The following ARHGAP25 variants were observed in gnomAD, a reference collection of about 807,000 sequenced individuals.
The protein encoded by ARHGAP25 is rho GTPase-activating protein 25.
In ARHGAP25, 34 loss-of-function variants were observed where a neutral mutation model predicts 71.0. The observed-to-expected ratio is 0.48, with a 90% CI of 0.36 to 0.64. ARHGAP25 has a LOEUF of 0.64. ARHGAP25 is among the 30% of genes least tolerant of loss of function. The pLI is 0.00. For synonymous variants in ARHGAP25, 282 were observed against 296.5 expected, an observed-to-expected ratio of 0.95 and a Z score of 0.50; for missense variants, 706 against 805.1, an observed-to-expected ratio of 0.88 and a Z score of 1.49.
chr2:68,816,470 A>C (rs1055141205), intron 7 of ARHGAP25, 108 bp downstream of exon 7: 2 of 858,520 alleles, frequency 2.3e-6, no homozygotes, highest in East Asian at 5.0e-5. Context: ...CTGGTCTAGC[A>C]CTTTGGAAGA....
intron 1 of ARHGAP25, among the ~76,000 whole-genome samples, chr2:68,768,417 T>G (rs776979047): frequency 1.3e-5 from 2 of 152,232 alleles, no homozygotes; most frequent in African/African-American, 2.4e-5. Flanking sequence ...GCATGGTGGC[T>G]CACATTTCGT....
intron 1 of ARHGAP25, among the ~76,000 whole-genome samples, chr2:68,742,904 T>C (rs1421448171): frequency 1.3e-5 from 2 of 152,240 alleles, no homozygotes; most frequent in African/African-American, 4.8e-5. Flanking sequence ...CACTTCCTTC[T>C]CAATTTGCAT....
At chr2:68,719,891 T>C (rs4854447) in intron 2 of ARHGAP25, among the ~76,000 whole-genome samples, 40,456 of 152,120 alleles carry the variant, frequency 0.27, 5,863 homozygotes, top group East Asian at 0.47. Flanking sequence ...ACCTGACTCA[T>C]GCCACCATCA....
intron 2 of ARHGAP25, among the ~76,000 whole-genome samples, chr2:68,713,910 C>T (rs1674548960): frequency 1.3e-5 from 2 of 152,150 alleles, no homozygotes; most frequent in Non-Finnish European, 2.9e-5. Context: ...AGGATTTTTG[C>T]ATTGATGTTC....
intron 1 of ARHGAP25, among the ~76,000 whole-genome samples, chr2:68,768,433 A>G (rs944821076): frequency 1.3e-5 from 2 of 152,188 alleles, no homozygotes; most frequent in Non-Finnish European, 2.9e-5. Flanking sequence ...TTCGTTCTAA[A>G]ACATTTATTT....
intron 2 of ARHGAP25, among the ~76,000 whole-genome samples, chr2:68,711,650 C>T (rs190086082): frequency 6.6e-6 from 1 of 152,064 alleles, no homozygotes; most frequent in East Asian, 1.9e-4. Flanking sequence ...GGTATTTCTC[C>T]GAATGCTATC....
intron 2 of ARHGAP25, among the ~76,000 whole-genome samples, chr2:68,727,660 G>A (rs1283716503): frequency 6.6e-6 from 1 of 152,212 alleles, no homozygotes; most frequent in Non-Finnish European, 1.5e-5. Context: ...GTCAAGTTCA[G>A]AAAACTGATT....
intron 3 of ARHGAP25, among the ~76,000 whole-genome samples, chr2:68,785,256 A>G (rs1181815675): frequency 6.6e-6 from 1 of 152,352 alleles, no homozygotes; most frequent in Non-Finnish European, 1.5e-5. Flanking sequence ...GACATAACTC[A>G]TGTTTTAAAA....
intron 2 of ARHGAP25, among the ~76,000 whole-genome samples, chr2:68,729,503 C>T (rs574506478): frequency 5.3e-5 from 8 of 152,250 alleles, no homozygotes; most frequent in South Asian, 4.2e-4. Flanking sequence ...TCAGACACAT[C>T]GACACCTAGA....
At chr2:68,747,358 G>A (rs1008399221) in intron 1 of ARHGAP25, among the ~76,000 whole-genome samples, 1 of 152,102 alleles carries the variant, frequency 6.6e-6, no homozygotes, top group Admixed American at 6.6e-5. Context: ...AAATGAAAAT[G>A]TGGGGTCCCT....
upstream of ARHGAP25, among the ~76,000 whole-genome samples, chr2:68,729,960 A>G (rs1376550146): frequency 3.3e-5 from 5 of 152,268 alleles, no homozygotes; most frequent in Admixed American, 3.3e-4. Context: ...ATGAAAATTT[A>G]TGCATATCTC....
upstream of ARHGAP25, among the ~76,000 whole-genome samples, chr2:68,732,696 T>G (rs1409601676): frequency 2.0e-5 from 3 of 152,212 alleles, no homozygotes; most frequent in Non-Finnish European, 2.9e-5. Context: ...TGCTGAGGAC[T>G]GGGTGTACTT....
intron 1 of ARHGAP25, among the ~76,000 whole-genome samples, chr2:68,753,833 C>T (rs1333562825): frequency 6.6e-6 from 1 of 151,764 alleles, no homozygotes; most frequent in African/African-American, 2.4e-5. Flanking sequence ...AATGTCAGCT[C>T]TGTGTAACAA....
chr2:68,818,078 G>C, intron 8 of ARHGAP25, 84 bp downstream of exon 8: 1 of 1,544,438 alleles, frequency 6.5e-7, no homozygotes, highest in Non-Finnish European at 8.9e-7. Context: ...CTGCTCTGTA[G>C]TTTCCCAAGC....
intron 4 of ARHGAP25, among the ~76,000 whole-genome samples, chr2:68,800,300 A>G (rs1558646578): frequency 1.3e-5 from 2 of 152,064 alleles, no homozygotes. Context: ...AAGGAGGACC[A>G]AGGTAGGGAG....
intron 2 of ARHGAP25, among the ~76,000 whole-genome samples, chr2:68,712,961 C>T (rs1314213009): frequency 6.6e-6 from 1 of 152,134 alleles, no homozygotes; most frequent in Non-Finnish European, 1.5e-5. Context: ...CAGCTTTGTT[C>T]TTTTGGCTTA....
chr2:68,804,782 C>G (rs1573587524), intron 4 of ARHGAP25, among the ~76,000 whole-genome samples: 1 of 152,294 alleles, frequency 6.6e-6, no homozygotes, highest in African/African-American at 2.4e-5. Flanking sequence ...GCCGAATAAC[C>G]ATTAGTCATG....
upstream of ARHGAP25, chr2:68,734,795 A>ACAC: frequency 4.6e-6 from 1 of 216,288 alleles, no homozygotes; most frequent in Admixed American, 5.4e-5. Flanking sequence ...ACACACACAC[A>ACAC]AAACCAAGAG....
rs1207246122 is a variant in ARHGAP25 at position 68,736,719 on chromosome 2, G to A, written c.61+1459G>A. Among the ~76,000 whole-genome samples the A allele has an allele frequency of 2.6e-5, 4 of 152,086 alleles. No individual in the cohort carries two copies. The East Asian group carries it at 7.7e-4, about 29-fold the overall frequency. ...ATGATTTTTACCAATGTTTCTTAAAGCATGGTCCCATAGATAACCTATATC... is the reference window on the plus strand; with the variant it reads ...ATGATTTTTACCAATGTTTCTTAAAACATGGTCCCATAGATAACCTATATC... On this transcript the variant is annotated intron_variant, in intron 1 of 10. Coordinates refer to ENST00000409202, the MANE Select transcript of ARHGAP25 (RefSeq NM_001007231.3).
Sources: gnomAD v4.1 joint callset for allele counts (sites outside exome capture counted in the v4.1 genomes callset) on GRCh38, gnomAD v4.1.1 for gene constraint, MANE v1.5 for transcripts, NCBI Gene and HGNC (gene_info 2026-07-23, HGNC 2026-07-21) for gene names.